SHANK2: variants seen among roughly 807,000 people sequenced by gnomAD.
The protein encoded by SHANK2 is SH3 and multiple ankyrin repeat domains protein 2.
SHANK2 carries 43 observed loss-of-function variants against 133.7 expected under a neutral mutation model. The ratio of observed to expected loss-of-function variants is 0.32; its 90% CI spans 0.25 to 0.41. The LOEUF is 0.41. Among genes scored for constraint, SHANK2 ranks in the 10% least tolerant of loss-of-function variants. SHANK2 has a pLI of 1.00. For missense variants in SHANK2, 1,994 were observed against 2,235.8 expected, an observed-to-expected ratio of 0.89 and a Z score of 2.18; for synonymous variants, 1,017 against 952.8, an observed-to-expected ratio of 1.07 and a Z score of -1.24.
intron 14 of SHANK2, among the ~76,000 whole-genome samples, chr11:70,736,721 G>C (rs530736042): frequency 6.6e-6 from 1 of 152,140 alleles, no homozygotes; most frequent in Non-Finnish European, 1.5e-5. Flanking sequence ...CCTCAGGAGA[G>C]TCACACGGCT....
At chr11:70,722,696 T>C (rs1555029515) in intron 14 of SHANK2, among the ~76,000 whole-genome samples, 1 of 152,180 alleles carries the variant, frequency 6.6e-6, no homozygotes, top group Non-Finnish European at 1.5e-5. Context: ...AAATGAGAGA[T>C]GGTTTCTTAA....
chr11:70,533,343 G>A (rs2059502415), intron 17 of SHANK2, among the ~76,000 whole-genome samples: 1 of 152,162 alleles, frequency 6.6e-6, no homozygotes, highest in Non-Finnish European at 1.5e-5. Flanking sequence ...TCCTGCCTTG[G>A]CCTCCCAAAG....
At chr11:71,148,241 C>T (rs1952695546) in intron 2 of SHANK2, among the ~76,000 whole-genome samples, 1 of 152,240 alleles carries the variant, frequency 6.6e-6, no homozygotes, top group Non-Finnish European at 1.5e-5. Context: ...TGCGCCACTA[C>T]ACCCAGCTAA....
rs547752395 is a variant in SHANK2 at position 70,552,792 on chromosome 11, GA to G, written c.2062-49862del. Among the ~76,000 whole-genome samples, 315 of 152,224 alleles carry G rather than the reference GA, an allele frequency of 2.1e-3. 1 individual carries two copies. The highest frequency in any genetic ancestry group is 3.1e-3 in the Admixed American group (48 of 15,296). ...ACACACGTGTCTCAGGACGGAGGGT[GA>G]CTCTGGTGCCCACCTGCCCTCTAAG... On this transcript the variant is annotated intron_variant, in intron 17 of 25. Transcript: ENST00000601538.
intron 11 of SHANK2, among the ~76,000 whole-genome samples, chr11:70,889,193 G>A (rs1555074162): frequency 6.6e-6 from 1 of 152,140 alleles, no homozygotes; most frequent in African/African-American, 2.4e-5. Context: ...TTCAGAGACT[G>A]GAGTCCGTAT....
At chr11:70,929,115 T>C (rs954543567) in intron 10 of SHANK2, among the ~76,000 whole-genome samples, 9 of 152,202 alleles carry the variant, frequency 5.9e-5, no homozygotes, top group African/African-American at 1.9e-4. Flanking sequence ...CCTTACTCTC[T>C]AGTGTGACTT....
intron 17 of SHANK2, among the ~76,000 whole-genome samples, chr11:70,596,073 C>T (rs1464454279): frequency 6.6e-6 from 1 of 152,194 alleles, no homozygotes; most frequent in Non-Finnish European, 1.5e-5. Context: ...CCAAGAGCCT[C>T]CAGAGGGAGT....
intron 10 of SHANK2, among the ~76,000 whole-genome samples, chr11:70,951,713 C>T (rs1234412009): frequency 6.6e-6 from 1 of 152,230 alleles, no homozygotes; most frequent in Admixed American, 6.5e-5. Flanking sequence ...AGTTTCTACT[C>T]TCACAGTTCT....
In SHANK2 at chr11:70,613,763, G is replaced by GCTTTTT. The variant is rs2060698025; in HGVS notation, c.2061+46064_2061+46065insAAAAAG. Among the ~76,000 whole-genome samples, 5 of 123,776 alleles carry GCTTTTT rather than the reference G, an allele frequency of 4.0e-5. No homozygotes were observed. In the East Asian group the frequency reaches 1.2e-3, roughly 29 times the overall value. The allele number at this position is 123,776 out of a possible 152,430, so 81.2% of individuals were successfully genotyped here. A position where few individuals can be genotyped will look rare whatever the true frequency, so the allele number is the denominator to read the frequency against. ...TGTCCTTGTAAGAAGAGGGGAACTT[G>GCTTTTT]TTTTTTTTTTTTTTTCTTTGAGATG... is the stretch of plus-strand genomic sequence containing the variant. On this transcript the variant is annotated intron_variant, in intron 17 of 25. Transcript: ENST00000601538.
intron 2 of SHANK2, among the ~76,000 whole-genome samples, chr11:71,198,790 G>A (rs1380347062): frequency 2.0e-5 from 3 of 152,212 alleles, no homozygotes; most frequent in Admixed American, 2.0e-4. Flanking sequence ...GGCAAGTGAG[G>A]TTGTGAGGCG....
intron 17 of SHANK2, among the ~76,000 whole-genome samples, chr11:70,613,991 C>G (rs1554995211): frequency 1.3e-5 from 2 of 152,118 alleles, no homozygotes; most frequent in Non-Finnish European, 1.5e-5. Flanking sequence ...TCTCCAACTC[C>G]TGACCTCAAA....
Position 71,212,082 on chromosome 11 carries a change from C to G in SHANK2, c.-13+12615G>C, listed in dbSNP as rs574220587. Reference sequence around the variant, plus strand: ...TGAAAAAATTCTTCCTAGATGAGAGCACCAAGAAAAGTCTGCTTTCCAAAT... The same window carrying G: ...TGAAAAAATTCTTCCTAGATGAGAGGACCAAGAAAAGTCTGCTTTCCAAAT... On this transcript the variant is annotated intron_variant, in intron 2 of 25. Coordinates refer to ENST00000601538, the MANE Select transcript of SHANK2 (RefSeq NM_012309.5). Among the ~76,000 whole-genome samples, 6 of 152,312 alleles carry G rather than the reference C, an allele frequency of 3.9e-5. No homozygotes were observed. In the East Asian group the frequency reaches 1.2e-3, roughly 29 times the overall value.
chr11:71,125,118 C>A (rs1952158028), intron 3 of SHANK2, among the ~76,000 whole-genome samples: 1 of 152,148 alleles, frequency 6.6e-6, no homozygotes, highest in African/African-American at 2.4e-5. Context: ...CTCTCCCTCT[C>A]CTTGGGCCTC....
rs76896753 is a variant in SHANK2, at chr11:70,600,784, C to G, written c.2061+59044G>C. On this transcript the variant is annotated intron_variant, in intron 17 of 25. Coordinates refer to ENST00000601538, the MANE Select transcript of SHANK2 (RefSeq NM_012309.5). ...ATGCCTCACATAACACACACACATA[C>G]ACACACAATCTGAATTCTTGGATTA... Among the ~76,000 whole-genome samples, 1,092 of 152,300 alleles carry G rather than the reference C, an allele frequency of 7.2e-3. 17 individuals carry two copies. Among genetic ancestry groups the G allele is most frequent in the African/African-American group, 0.025 (1,038 of 41,556 alleles).
intron 11 of SHANK2, among the ~76,000 whole-genome samples, chr11:70,868,396 A>G (rs1415148392): frequency 6.6e-6 from 1 of 152,218 alleles, no homozygotes; most frequent in Non-Finnish European, 1.5e-5. Context: ...AATGGAAATA[A>G]TACTATAATA....
rs60414874 is a variant in SHANK2, at chr11:70,718,700, C to CTTTTTTTTTTT, written c.1778-19948_1778-19938dup. Reference sequence around the variant, plus strand: ...CTCCCTTTTTGATAGAGCTCATTCTCTTTTTTTTTTTTTGAATTGCTGGCC... The same window carrying CTTTTTTTTTTT: ...CTCCCTTTTTGATAGAGCTCATTCTCTTTTTTTTTTTTTTTTTTTTTTTTGAATTGCTGGCC... On this transcript the variant is annotated intron_variant, in intron 14 of 25. Coordinates refer to ENST00000601538, the MANE Select transcript of SHANK2 (RefSeq NM_012309.5). Among the ~76,000 whole-genome samples the CTTTTTTTTTTT allele has an allele frequency of 9.4e-3, 1,215 of 129,634 alleles. 89 individuals are homozygous for CTTTTTTTTTTT. Among genetic ancestry groups the CTTTTTTTTTTT allele is most frequent in the African/African-American group, 0.031 (950 of 30,988 alleles). The allele number at this position is 129,634 out of a possible 152,430, so 85.0% of individuals were successfully genotyped here.
At chr11:70,578,225 G>A (rs1274284079) in intron 17 of SHANK2, among the ~76,000 whole-genome samples, 1 of 151,640 alleles carries the variant, frequency 6.6e-6, no homozygotes, top group Non-Finnish European at 1.5e-5. Flanking sequence ...GGTAGGACTC[G>A]AATCCCGGCA....
At chr11:71,210,652 T>C (rs782729910) in intron 2 of SHANK2, among the ~76,000 whole-genome samples, 4 of 152,236 alleles carry the variant, frequency 2.6e-5, no homozygotes, top group Non-Finnish European at 4.4e-5. Flanking sequence ...GGAAATCCAC[T>C]GCAGCTGGAG....
At chr11:70,784,362 T>G (rs1351785214) in intron 14 of SHANK2, among the ~76,000 whole-genome samples, 1 of 138,394 alleles carries the variant, frequency 7.2e-6, no homozygotes, top group Admixed American at 7.1e-5. Flanking sequence ...TTTTTTTTTT[T>G]TTTTTTTTTT....
Sources: gnomAD v4.1 joint callset for allele counts (sites outside exome capture counted in the v4.1 genomes callset) on GRCh38, gnomAD v4.1.1 for gene constraint, MANE v1.5 for transcripts, NCBI Gene and HGNC (gene_info 2026-07-23, HGNC 2026-07-21) for gene names.